The following TSPEAR variants were observed in gnomAD, a reference collection of about 807,000 sequenced individuals.
TSPEAR encodes thrombospondin type laminin G domain and EAR repeats.
TSPEAR carries 69 observed loss-of-function variants against 71.6 expected under a neutral mutation model. The observed-to-expected ratio is 0.96, with a 90% CI of 0.79 to 1.18. The LOEUF is 1.18. Ranked by LOEUF, TSPEAR falls within the 50% of genes most tolerant of loss-of-function variation. TSPEAR has a pLI of 0.00. For missense variants in TSPEAR, 971 were observed against 894.9 expected (o/e 1.09, Z -1.09); for synonymous variants, 402 against 387.2 (o/e 1.04, Z -0.45).
chr21:44,548,241 T>C (rs587754804), intron 2 of TSPEAR, among the ~76,000 whole-genome samples: 6 of 152,308 alleles, frequency 3.9e-5, no homozygotes, highest in African/African-American at 9.6e-5. Flanking sequence ...GGCAACAGCA[T>C]CCCACATCAG....
At chr21:44,544,229 A>G (rs1251075322) in intron 2 of TSPEAR, among the ~76,000 whole-genome samples, 4 of 152,172 alleles carry the variant, frequency 2.6e-5, no homozygotes, top group Non-Finnish European at 5.9e-5. Context: ...GTCATATATT[A>G]TATGGCAAAA....
chr21:44,537,837 G>A (rs892795065), intron 2 of TSPEAR, among the ~76,000 whole-genome samples: 15 of 152,230 alleles, frequency 9.9e-5, no homozygotes, highest in African/African-American at 3.4e-4. Context: ...TAAGAAATGG[G>A]CTAGGAATGT....
intron 1 of TSPEAR, chr21:44,627,794 T>C: frequency 2.5e-6 from 4 of 1,597,812 alleles, no homozygotes; most frequent in East Asian, 2.3e-5. Context: ...GCTTCCTCTT[T>C]GTGCTGCCAG....
At chr21:44,682,023 A>C (rs1676501679) in intron 1 of TSPEAR, 2 of 1,609,860 alleles carry the variant, frequency 1.2e-6, no homozygotes, top group Non-Finnish European at 1.7e-6. Context: ...GGGCACGCAC[A>C]CGGAGGACTG....
At chr21:44,565,619 A>G (rs955961514) in intron 2 of TSPEAR, among the ~76,000 whole-genome samples, 17 of 152,238 alleles carry the variant, frequency 1.1e-4, no homozygotes, top group Non-Finnish European at 2.2e-4. Context: ...CAAAAATAGC[A>G]TGATTATAAC....
intron 1 of TSPEAR, among the ~76,000 whole-genome samples, chr21:44,585,910 T>C (rs1217601240): frequency 6.6e-6 from 1 of 152,266 alleles, no homozygotes; most frequent in Admixed American, 6.5e-5. Context: ...CTTTCATTGC[T>C]GAAAGGTTCT....
rs1555911698 is a variant in TSPEAR, at chr21:44,504,872, G to A, written c.1764C>T (p.Asp588=). 1.2e-6 allele frequency: 2 copies of A among 1,613,264 alleles called. No homozygotes were observed. The highest frequency in any genetic ancestry group is 2.7e-5 in the African/African-American group (2 of 74,848). The change falls in exon 11 of 12, where the codon GAC becomes GAT. Residue 588 remains aspartate, a synonymous_variant. Transcript: ENST00000323084. ...CTTCTCCCACCGAGAAAAACTCCCA[G>A]TCCAGAGCACTGCAGGAACAAGTGG... ...FQDILTCSAL[D]WEFFSVGEDY...
rs58559361 is a variant in TSPEAR at position 44,600,614 on chromosome 21, T to C, written c.83-32609A>G. 27 of 1,609,678 alleles carry C rather than the reference T, an allele frequency of 1.7e-5. No individual in the cohort carries two copies. In the African/African-American group the frequency reaches 2.9e-4, roughly 18 times the overall value. ...CTCACTCCCATCTCCTCCAGTTCAA[T>C]CCCCAGCATGGCTGCGTCCACTATG... On this transcript the variant is annotated intron_variant, in intron 1 of 11. Coordinates refer to ENST00000323084, the MANE Select transcript of TSPEAR (RefSeq NM_144991.3).
At chr21:44,562,840 G>A (rs1555921283) in intron 2 of TSPEAR, among the ~76,000 whole-genome samples, 1 of 152,164 alleles carries the variant, frequency 6.6e-6, no homozygotes, top group African/African-American at 2.4e-5. Flanking sequence ...TCTATTACCT[G>A]CAGATGCATC....
chr21:44,559,534 C>T (rs587631697), intron 2 of TSPEAR, among the ~76,000 whole-genome samples: 3 of 152,330 alleles, frequency 2.0e-5, no homozygotes, highest in African/African-American at 4.8e-5. Context: ...GGCAACATCA[C>T]CTGCAATGGT....
intron 2 of TSPEAR, among the ~76,000 whole-genome samples, chr21:44,554,246 A>G (rs2053491211): frequency 6.6e-6 from 1 of 152,232 alleles, no homozygotes; most frequent in Admixed American, 6.5e-5. Context: ...GACAGCAAGA[A>G]GGTGGCTGTC....
intron 1 of TSPEAR, among the ~76,000 whole-genome samples, chr21:44,630,521 C>T (rs1983193849): frequency 6.6e-6 from 1 of 152,124 alleles, no homozygotes; most frequent in South Asian, 2.1e-4. Flanking sequence ...TCTATAAGGC[C>T]CCCATGCATG....
At chr21:44,500,036 G>T in intron 11 of TSPEAR, 100 bp from the exon 12 acceptor site, 1 of 1,287,366 alleles carries the variant, frequency 7.8e-7, no homozygotes, top group Non-Finnish European at 1.0e-6. Context: ...GCAGCTCTGG[G>T]TCACATCTGA....
chr21:44,654,466 C>T (rs782466941), intron 1 of TSPEAR: 1 of 1,613,990 alleles, frequency 6.2e-7, no homozygotes, highest in South Asian at 1.1e-5. Flanking sequence ...GGATACCCCA[C>T]ACAGGGGCCG....
At chr21:44,704,072 G>A (rs1304427381) in intron 1 of TSPEAR, among the ~76,000 whole-genome samples, 2 of 152,186 alleles carry the variant, frequency 1.3e-5, no homozygotes, top group East Asian at 1.9e-4. Context: ...CCTCAATTGG[G>A]CCAGCTTTTC....
chr21:44,549,179 G>A (rs143384861), intron 2 of TSPEAR, among the ~76,000 whole-genome samples: 3 of 152,188 alleles, frequency 2.0e-5, no homozygotes, highest in Admixed American at 2.0e-4. Flanking sequence ...GGTCGTCTGC[G>A]GCGAGCTAGA....
rs876658039 is a variant in TSPEAR at position 44,499,929 on chromosome 21, C to T, written c.1864G>A (p.Gly622Ser). The T allele has an allele frequency of 6.2e-7, 1 of 1,605,192 alleles. No individual in the cohort carries two copies. The highest frequency in any genetic ancestry group is 1.7e-5 in the Admixed American group (1 of 59,276). The stretch of plus-strand genomic sequence containing the variant: ...TGCACCGCCACGAAGCCCTCGTAGC[C>T]CTGCCACCTGCGGAACAGACAGCGG... ...SVNSIIYRWQ[G>S]YEGFVAVHSL... The change falls in exon 12 of 12, where the codon GGC becomes AGC. Residue 622 changes from glycine to serine, a missense_variant. Transcript: ENST00000323084.
At chr21:44,513,124 A>C (rs943357414) in intron 9 of TSPEAR, among the ~76,000 whole-genome samples, 14 of 152,250 alleles carry the variant, frequency 9.2e-5, no homozygotes, top group Non-Finnish European at 4.4e-5. Flanking sequence ...GGAGGCTGGC[A>C]GAACCCCCAC....
At chr21:44,509,068 TC>T in intron 10 of TSPEAR, 130 bp downstream of exon 10, 1 of 1,384,456 alleles carries the variant, frequency 7.2e-7, no homozygotes, top group Non-Finnish European at 9.9e-7. Flanking sequence ...CCCAGGCCAT[TC>T]TTTCCACAGG....
Sources: gnomAD v4.1 joint callset for allele counts (sites outside exome capture counted in the v4.1 genomes callset) on GRCh38, gnomAD v4.1.1 for gene constraint, MANE v1.5 for transcripts, NCBI Gene and HGNC (gene_info 2026-07-23, HGNC 2026-07-21) for gene names.